The following RASGRF2 variants were observed in gnomAD, a reference collection of about 807,000 sequenced individuals.
RASGRF2 encodes the protein Ras protein specific guanine nucleotide releasing factor 2.
Under a neutral mutation model 151.0 loss-of-function variants are expected in RASGRF2, and 76 were observed. The ratio of observed to expected loss-of-function variants is 0.50; its 90% CI spans 0.42 to 0.61. RASGRF2 has a LOEUF of 0.61. Ranked by LOEUF, RASGRF2 falls within the 20% of genes least tolerant of loss-of-function variation. The pLI is 0.00. For missense variants in RASGRF2, 1,148 were observed against 1,564.6 expected (o/e 0.73, Z 4.49); for synonymous variants, 504 against 566.5 (o/e 0.89, Z 1.57).
intron 1 of RASGRF2, among the ~76,000 whole-genome samples, chr5:80,980,807 G>A (rs1408319964): frequency 6.6e-6 from 1 of 152,134 alleles, no homozygotes; most frequent in Non-Finnish European, 1.5e-5. Context: ...GGGGGTCTTA[G>A]AAGGCAGGTT....
chr5:81,036,337 A>G (rs1412049312), intron 1 of RASGRF2, among the ~76,000 whole-genome samples: 1 of 152,110 alleles, frequency 6.6e-6, no homozygotes, highest in Non-Finnish European at 1.5e-5. Flanking sequence ...TGTTCTGTAT[A>G]TATAATTATA....
chr5:81,147,009 T>C (rs1220661274), intron 17 of RASGRF2, among the ~76,000 whole-genome samples: 1 of 152,212 alleles, frequency 6.6e-6, no homozygotes, highest in Non-Finnish European at 1.5e-5. Context: ...GCATTGCTTC[T>C]ACTCTTTAAG....
Position 81,037,954 on chromosome 5 carries a change from G to A in RASGRF2, c.289-4923G>A, listed in dbSNP as rs374069292. 4.6e-5 allele frequency among the ~76,000 whole-genome samples: 7 copies of A among 152,198 alleles called. 1 individual carries two copies. The highest frequency in any genetic ancestry group is 1.7e-4 in the African/African-American group (7 of 41,538). On this transcript the variant is annotated intron_variant, in intron 1 of 26. Transcript: ENST00000265080. ...AAAAATAAATAGCTTGATATGCATAGTTTTAAGCCTTATGGAAATGATATC... is the reference window on the plus strand; with the variant it reads ...AAAAATAAATAGCTTGATATGCATAATTTTAAGCCTTATGGAAATGATATC...
intron 2 of RASGRF2, among the ~76,000 whole-genome samples, chr5:81,062,956 A>G (rs1751489562): frequency 6.6e-6 from 1 of 151,920 alleles, no homozygotes; most frequent in Admixed American, 6.6e-5. Flanking sequence ...TGTTTTAGAA[A>G]TTGTTATGCA....
intron 17 of RASGRF2, among the ~76,000 whole-genome samples, chr5:81,163,900 T>G (rs1359631039): frequency 6.6e-6 from 1 of 152,156 alleles, no homozygotes; most frequent in African/African-American, 2.4e-5. Context: ...GTGCAAAAAT[T>G]CTCTTACTTC....
intron 1 of RASGRF2, among the ~76,000 whole-genome samples, chr5:80,995,607 A>G (rs1748819839): frequency 6.6e-6 from 1 of 151,544 alleles, no homozygotes; most frequent in African/African-American, 2.4e-5. Flanking sequence ...CTCAGAGCCA[A>G]CAGCATGTAG....
At chr5:81,041,884 C>G (rs542519062) in intron 1 of RASGRF2, among the ~76,000 whole-genome samples, 2 of 152,286 alleles carry the variant, frequency 1.3e-5, no homozygotes, top group South Asian at 4.1e-4. Flanking sequence ...CCTCTGGAAA[C>G]CCCTGATCTG....
At chr5:81,176,174 T>C (rs991760670) in intron 17 of RASGRF2, among the ~76,000 whole-genome samples, 9 of 152,186 alleles carry the variant, frequency 5.9e-5, no homozygotes, top group Non-Finnish European at 1.2e-4. Flanking sequence ...AACAATTTTC[T>C]ACAACTTGCC....
chr5:81,172,638 A>C (rs1240827588), intron 17 of RASGRF2, among the ~76,000 whole-genome samples: 1 of 152,174 alleles, frequency 6.6e-6, no homozygotes, highest in Non-Finnish European at 1.5e-5. Context: ...CATCTTGCCA[A>C]TGACACCCTT....
At chr5:81,155,106 A>C (rs6453539) in intron 17 of RASGRF2, among the ~76,000 whole-genome samples, 44,145 of 152,018 alleles carry the variant, frequency 0.29, 6,776 homozygotes, top group East Asian at 0.4. Flanking sequence ...AATGTTTTGA[A>C]ACAAATGAAA....
chr5:80,961,794 G>C (rs1488574059), intron 1 of RASGRF2, among the ~76,000 whole-genome samples: 1 of 152,044 alleles, frequency 6.6e-6, no homozygotes, highest in East Asian at 1.9e-4. Context: ...ATGGTCGCGG[G>C]GTGGGGGAGA....
chr5:81,126,169 G>A (rs1753447786), intron 16 of RASGRF2, among the ~76,000 whole-genome samples: 1 of 152,230 alleles, frequency 6.6e-6, no homozygotes, highest in Admixed American at 6.5e-5. Context: ...GAGAAGCAGC[G>A]AGCTTGGCAC....
intron 1 of RASGRF2, among the ~76,000 whole-genome samples, chr5:81,012,501 A>G (rs974987128): frequency 2.0e-5 from 3 of 152,124 alleles, no homozygotes; most frequent in African/African-American, 7.2e-5. Flanking sequence ...CCCCAGCCGT[A>G]GCGTGTGGTC....
At chr5:81,105,637 C>T (rs115848652) in intron 12 of RASGRF2, among the ~76,000 whole-genome samples, 3,233 of 152,264 alleles carry the variant, frequency 0.021, 107 homozygotes, top group African/African-American at 0.07. Context: ...TGTCTACTTT[C>T]CCACTTCCTG....
intron 15 of RASGRF2, among the ~76,000 whole-genome samples, chr5:81,116,183 A>C (rs1028743558): frequency 1.4e-4 from 20 of 138,452 alleles, no homozygotes; most frequent in Non-Finnish European, 2.3e-4. Context: ...CCCAGGTTCG[A>C]GCTATTCTCC....
chr5:81,038,608 C>G (rs1047988775), intron 1 of RASGRF2, among the ~76,000 whole-genome samples: 1 of 108,106 alleles, frequency 9.3e-6, no homozygotes, highest in Non-Finnish European at 1.7e-5. Context: ...TGGGGTCTCT[C>G]TATGTTGCCT....
chr5:80,975,828 T>G (rs1051582689), intron 1 of RASGRF2, among the ~76,000 whole-genome samples: 3 of 151,870 alleles, frequency 2.0e-5, no homozygotes, highest in Non-Finnish European at 4.4e-5. Context: ...TTTTAGTTGA[T>G]GAACATTTAA....
intron 9 of RASGRF2, among the ~76,000 whole-genome samples, chr5:81,090,897 C>T (rs1752371461): frequency 6.6e-6 from 1 of 152,108 alleles, no homozygotes; most frequent in Non-Finnish European, 1.5e-5. Context: ...TTGCTTATAG[C>T]CTTTCTGAAA....
At chr5:81,203,323 A>G (rs1451888262) in intron 19 of RASGRF2, among the ~76,000 whole-genome samples, 1 of 152,246 alleles carries the variant, frequency 6.6e-6, no homozygotes, top group African/African-American at 2.4e-5. Flanking sequence ...AAAAACTGTC[A>G]GGATCAACCA....
Sources: gnomAD v4.1 joint callset for allele counts (sites outside exome capture counted in the v4.1 genomes callset) on GRCh38, gnomAD v4.1.1 for gene constraint, MANE v1.5 for transcripts, NCBI Gene and HGNC (gene_info 2026-07-23, HGNC 2026-07-21) for gene names.